RAPGEF4: variants seen among roughly 807,000 people sequenced by gnomAD.
RAPGEF4 encodes the protein Rap guanine nucleotide exchange factor 4, also known as RAP guanine-nucleotide-exchange factor (GEF) 4.
RAPGEF4 carries 66 observed loss-of-function variants against 147.9 expected under a neutral mutation model. That is an observed-to-expected ratio of 0.45 (90% CI 0.37 to 0.55). The LOEUF is 0.55. Among genes scored for constraint, RAPGEF4 ranks in the 20% least tolerant of loss-of-function variants. RAPGEF4 has a pLI of 0.00. For synonymous variants in RAPGEF4, 419 were observed against 442.7 expected, an observed-to-expected ratio of 0.95 and a Z score of 0.67; for missense variants, 1,071 against 1,257.3, an observed-to-expected ratio of 0.85 and a Z score of 2.24.
intron 1 of RAPGEF4, among the ~76,000 whole-genome samples, chr2:172,746,559 A>G (rs1400572393): frequency 2.6e-5 from 4 of 152,134 alleles, no homozygotes; most frequent in African/African-American, 9.7e-5. Flanking sequence ...AATAAAATTG[A>G]TTGTACAATG....
chr2:172,822,020 G>A, intron 4 of RAPGEF4: 2 of 1,599,652 alleles, frequency 1.3e-6, no homozygotes, highest in Non-Finnish European at 1.7e-6. Context: ...GTGGGAGAGT[G>A]GGGAAATACT....
At chr2:172,895,389 G>A (rs1220135338) in intron 4 of RAPGEF4, among the ~76,000 whole-genome samples, 3 of 152,104 alleles carry the variant, frequency 2.0e-5, no homozygotes, top group Non-Finnish European at 4.4e-5. Context: ...TTCTACCCTT[G>A]CAGGCTCCTC....
At chr2:172,847,997 C>A (rs778298310) in intron 4 of RAPGEF4, among the ~76,000 whole-genome samples, 27 of 152,080 alleles carry the variant, frequency 1.8e-4, no homozygotes, top group Admixed American at 7.2e-4. Context: ...TCTCCCAACT[C>A]CTTACAGAAG....
rs192133582 is a variant in RAPGEF4 at position 172,903,593 on chromosome 2, A to G, written c.445-14209A>G. 2.4e-4 allele frequency among the ~76,000 whole-genome samples: 37 copies of G among 152,166 alleles called. 1 individual carries two copies. Among genetic ancestry groups the G allele is most frequent in the Admixed American group, 2.4e-3 (36 of 15,270 alleles). On this transcript the variant is annotated intron_variant, in intron 4 of 30. Transcript: ENST00000397081. Reference sequence around the variant, plus strand: ...AGAATGCCTGAAGCTAAGAAGTAGCATGTTCTGGGCCAGTGAGTGTAGAGA... The same window carrying G: ...AGAATGCCTGAAGCTAAGAAGTAGCGTGTTCTGGGCCAGTGAGTGTAGAGA...
At chr2:172,801,725 G>T (rs1687003657) in intron 3 of RAPGEF4, among the ~76,000 whole-genome samples, 1 of 152,160 alleles carries the variant, frequency 6.6e-6, no homozygotes, top group South Asian at 2.1e-4. Flanking sequence ...TGGTTGTATA[G>T]GTGCCAACCA....
chr2:172,878,839 G>C (rs7580552), intron 4 of RAPGEF4, among the ~76,000 whole-genome samples: 17 of 152,146 alleles, frequency 1.1e-4, no homozygotes, highest in African/African-American at 3.4e-4. Flanking sequence ...TCATAAAGAC[G>C]TAAATGGAGA....
At position 172,831,265 on chromosome 2, in the gene RAPGEF4, A is replaced by ATTTTTTTTTTTTTT. The variant is rs1491195850; in HGVS notation, c.444+16840_444+16841insTTTTTTTTTTTTTT. ...AAAATGTGACTGTTTCAGATAGAAA[A>ATTTTTTTTTTTTTT]CTTTTTTTTTTTTTTTTTTTGAGAC... On this transcript the variant is annotated intron_variant, in intron 4 of 30. Coordinates refer to ENST00000397081, the MANE Select transcript of RAPGEF4 (RefSeq NM_007023.4). Among the ~76,000 whole-genome samples, 12 of 16,616 alleles carry ATTTTTTTTTTTTTT rather than the reference A, an allele frequency of 7.2e-4. 1 individual carries two copies. Among genetic ancestry groups the ATTTTTTTTTTTTTT allele is most frequent in the Non-Finnish European group, 1.7e-3 (11 of 6,576 alleles). 10.9% of individuals were successfully genotyped at this position (16,616 alleles called of 152,430 possible).
intron 4 of RAPGEF4, among the ~76,000 whole-genome samples, chr2:172,848,299 C>T (rs2149725852): frequency 6.6e-6 from 1 of 152,294 alleles, no homozygotes; most frequent in African/African-American, 2.4e-5. Flanking sequence ...CTTCCCCCGC[C>T]AGCCCCTTCT....
At chr2:172,778,474 C>T (rs1684383296) in intron 1 of RAPGEF4, among the ~76,000 whole-genome samples, 1 of 151,988 alleles carries the variant, frequency 6.6e-6, no homozygotes, top group South Asian at 2.1e-4. Context: ...TACTTATATC[C>T]AAGTATTGTG....
At chr2:172,806,775 T>C (rs1157365447) in intron 3 of RAPGEF4, among the ~76,000 whole-genome samples, 1 of 152,240 alleles carries the variant, frequency 6.6e-6, no homozygotes, top group Non-Finnish European at 1.5e-5. Flanking sequence ...TGGCACATTT[T>C]AGCTCAATTT....
At chr2:172,872,687 C>T (rs1239145328) in intron 4 of RAPGEF4, among the ~76,000 whole-genome samples, 2 of 152,096 alleles carry the variant, frequency 1.3e-5, no homozygotes, top group African/African-American at 4.8e-5. Flanking sequence ...TCCTGCTCCA[C>T]CATGGTAAGA....
intron 1 of RAPGEF4, among the ~76,000 whole-genome samples, chr2:172,763,826 T>A (rs1696573805): frequency 6.6e-6 from 1 of 152,222 alleles, no homozygotes; most frequent in Non-Finnish European, 1.5e-5. Flanking sequence ...TTTGAAATAT[T>A]TGTATGTTGA....
rs542887442 is a variant in RAPGEF4 at position 172,852,557 on chromosome 2, T to C, written c.444+38132T>C. On this transcript the variant is annotated intron_variant, in intron 4 of 30. Transcript: ENST00000397081. ...TTTCAACTTCCTTGTGATTCTTCTATACAAAAAATCATGTTATGTGCCAAT... is the reference window on the plus strand; with the variant it reads ...TTTCAACTTCCTTGTGATTCTTCTACACAAAAAATCATGTTATGTGCCAAT... Among the ~76,000 whole-genome samples, 49 of 152,264 alleles carry C rather than the reference T, an allele frequency of 3.2e-4. No homozygotes were observed. The Middle Eastern group carries it at 0.014, about 42-fold the overall frequency.
At chr2:172,747,681 T>C (rs1268310426) in intron 1 of RAPGEF4, among the ~76,000 whole-genome samples, 1 of 152,186 alleles carries the variant, frequency 6.6e-6, no homozygotes, top group Non-Finnish European at 1.5e-5. Context: ...CCCAGGCTGC[T>C]CAAACCCCTG....
In RAPGEF4 at chr2:173,030,221, C is replaced by T. The variant is rs759396088; in HGVS notation, c.2616C>T (p.Asn872=). ...TTGCCATCGTCATGGGACTAAGTAA[C>T]GTTGCTGTGAGCCGCTTGGCACTAA... ...SFFAIVMGLS[N]VAVSRLALTW... The change falls in exon 26 of 31, where the codon AAC becomes AAT. Residue 872 remains asparagine, a synonymous_variant. Coordinates refer to ENST00000397081, the MANE Select transcript of RAPGEF4 (RefSeq NM_007023.4). 1.4e-5 allele frequency: 22 copies of T among 1,613,550 alleles called. No individual in the cohort carries two copies. The Admixed American group carries it at 1.5e-4, about 11-fold the overall frequency.
In RAPGEF4 at chr2:172,990,945, T is replaced by A; in HGVS notation, c.1490+20T>A. 1 of 1,525,648 alleles carries A rather than the reference T, an allele frequency of 6.6e-7. No individual in the cohort carries two copies. Among genetic ancestry groups the A allele is most frequent in the East Asian group, 2.3e-5 (1 of 44,368 alleles). 94.5% of individuals were successfully genotyped at this position (1,525,648 alleles called of 1,614,324 possible). On this transcript the variant is annotated intron_variant, in intron 15 of 30. Coordinates refer to ENST00000397081, the MANE Select transcript of RAPGEF4 (RefSeq NM_007023.4). ...GCAAAAGTATGTTTGCATCCAACAC[T>A]GTAATTGCCAGACTATGATTAACCT...
intron 1 of RAPGEF4, among the ~76,000 whole-genome samples, chr2:172,750,782 C>CT (rs1164570902): frequency 6.6e-6 from 1 of 152,146 alleles, no homozygotes; most frequent in African/African-American, 2.4e-5. Context: ...ATTTGTTTGT[C>CT]TTCTTTGGAA....
At position 172,983,229 on chromosome 2, in the gene RAPGEF4, C is replaced by T. The variant is rs1209650811; in HGVS notation, c.1005-267C>T. Among the ~76,000 whole-genome samples the T allele has an allele frequency of 3.9e-5, 6 of 152,148 alleles. No individual in the cohort carries two copies. In the East Asian group the frequency reaches 1.2e-3, roughly 29 times the overall value. On this transcript the variant is annotated intron_variant, in intron 10 of 30. Transcript: ENST00000397081. Reference sequence around the variant, plus strand: ...AAGTGAGAGATGAGTTGGCCAACTACCATGTGAGTGGAGATGCTCTTCCCT... The same window carrying T: ...AAGTGAGAGATGAGTTGGCCAACTATCATGTGAGTGGAGATGCTCTTCCCT...
At chr2:172,909,715 C>A (rs1050818151) in intron 4 of RAPGEF4, among the ~76,000 whole-genome samples, 1 of 152,204 alleles carries the variant, frequency 6.6e-6, no homozygotes, top group Non-Finnish European at 1.5e-5. Context: ...TGAGCACAGG[C>A]TTGGCAATCC....
Sources: gnomAD v4.1 joint callset for allele counts (sites outside exome capture counted in the v4.1 genomes callset) on GRCh38, gnomAD v4.1.1 for gene constraint, MANE v1.5 for transcripts, NCBI Gene and HGNC (gene_info 2026-07-23, HGNC 2026-07-21) for gene names.